CNTLN: variants seen among roughly 807,000 people sequenced by gnomAD.
CNTLN encodes centlein.
A neutral mutation model predicts 180.0 loss-of-function variants in CNTLN; 212 were observed. The observed-to-expected ratio is 1.18, with a 90% CI of 1.05 to 1.32. The LOEUF is 1.32. Among genes scored for constraint, CNTLN ranks in the 40% most tolerant of loss-of-function variants. The probability of loss-of-function intolerance (pLI) is 0.00; values close to 1 mark genes in which losing one functional copy is unlikely to be tolerated. For missense variants in CNTLN, 2,095 were observed against 1,610.9 expected (o/e 1.30, Z -5.14); for synonymous variants, 722 against 563.1 (o/e 1.28, Z -3.99).
downstream of CNTLN, among the ~76,000 whole-genome samples, chr9:17,507,461 T>TGC (rs1564161171): frequency 1.3e-5 from 2 of 152,124 alleles, no homozygotes. Context: ...CATACAAAAG[T>TGC]AGATATCATT....
intron 5 of CNTLN, among the ~76,000 whole-genome samples, chr9:17,259,890 C>G (rs1431883562): frequency 7.4e-6 from 1 of 134,472 alleles, no homozygotes; most frequent in Non-Finnish European, 1.5e-5. Flanking sequence ...TTCTTGCTAG[C>G]GGTCTATCTA....
At chr9:17,435,347 T>G (rs920101796) in intron 18 of CNTLN, among the ~76,000 whole-genome samples, 25 of 152,176 alleles carry the variant, frequency 1.6e-4, no homozygotes, top group African/African-American at 5.8e-4. Context: ...GACTTAGTTA[T>G]TTTTATGAAT....
At chr9:17,344,881 C>A (rs1821760219) in intron 12 of CNTLN, among the ~76,000 whole-genome samples, 1 of 152,110 alleles carries the variant, frequency 6.6e-6, no homozygotes, top group Non-Finnish European at 1.5e-5. Flanking sequence ...CCTCATCCTG[C>A]CCCTTTGTAG....
intron 23 of CNTLN, among the ~76,000 whole-genome samples, chr9:17,467,358 C>A (rs1831810168): frequency 6.6e-6 from 1 of 151,546 alleles, no homozygotes; most frequent in East Asian, 1.9e-4. Context: ...ACTCAAGTAT[C>A]TGCAGAGGTG....
intron 5 of CNTLN, among the ~76,000 whole-genome samples, chr9:17,261,993 A>C (rs1486822834): frequency 6.6e-6 from 1 of 151,606 alleles, no homozygotes; most frequent in Non-Finnish European, 1.5e-5. Context: ...ATCAGTAGTC[A>C]TTAGAGAAAT....
intron 2 of CNTLN, among the ~76,000 whole-genome samples, chr9:17,214,642 C>T (rs1276484954): frequency 6.6e-6 from 1 of 152,198 alleles, no homozygotes; most frequent in Non-Finnish European, 1.5e-5. Flanking sequence ...TAATATCCTG[C>T]AGAGTGTTTT....
At chr9:17,354,895 C>CAAG (rs1469000444) in intron 12 of CNTLN, among the ~76,000 whole-genome samples, 2 of 152,096 alleles carry the variant, frequency 1.3e-5, no homozygotes, top group Middle Eastern at 3.2e-3. Flanking sequence ...CCAAGATCTG[C>CAAG]AGTTTCACTC....
intron 16 of CNTLN, among the ~76,000 whole-genome samples, chr9:17,413,305 A>T (rs1194676040): frequency 6.6e-6 from 1 of 152,166 alleles, no homozygotes; most frequent in East Asian, 1.9e-4. Flanking sequence ...TAAATCATAA[A>T]ACTTTCAGAA....
At chr9:17,301,243 A>C in intron 7 of CNTLN, 7 of 985,414 alleles carry the variant, frequency 7.1e-6, no homozygotes, top group Non-Finnish European at 6.0e-6. Flanking sequence ...ATATGCCCCT[A>C]TTTGGCGAAC....
At chr9:17,334,247 A>T (rs185007359) in intron 10 of CNTLN, among the ~76,000 whole-genome samples, 2 of 152,072 alleles carry the variant, frequency 1.3e-5, no homozygotes, top group East Asian at 3.9e-4. Context: ...TTTAGCAGAG[A>T]TGGAGTTTTA....
intron 8 of CNTLN, among the ~76,000 whole-genome samples, chr9:17,317,875 T>C (rs1393061791): frequency 3.3e-5 from 5 of 152,102 alleles, no homozygotes; most frequent in African/African-American, 1.2e-4. Flanking sequence ...ACAGGTCTCC[T>C]TGGGCCTTGT....
intron 2 of CNTLN, among the ~76,000 whole-genome samples, chr9:17,163,748 C>G (rs1819847582): frequency 6.6e-6 from 1 of 152,164 alleles, no homozygotes; most frequent in Non-Finnish European, 1.5e-5. Context: ...ATTGATCTGG[C>G]TGGGCACAGT....
chr9:17,213,038 T>G (rs1218586413), intron 2 of CNTLN, among the ~76,000 whole-genome samples: 1 of 152,198 alleles, frequency 6.6e-6, no homozygotes, highest in Non-Finnish European at 1.5e-5. Context: ...TGAAGTGTTT[T>G]TTGTGTCTCT....
At chr9:17,467,251 G>C (rs1011838459) in intron 23 of CNTLN, among the ~76,000 whole-genome samples, 2 of 151,494 alleles carry the variant, frequency 1.3e-5, no homozygotes, top group African/African-American at 4.8e-5. Flanking sequence ...TCAGTGTTCA[G>C]TGATGCTAAG....
At chr9:17,373,916 C>G (rs1018395709) in intron 13 of CNTLN, among the ~76,000 whole-genome samples, 1 of 152,212 alleles carries the variant, frequency 6.6e-6, no homozygotes, top group South Asian at 2.1e-4. Flanking sequence ...TATTCATATG[C>G]GTAAGAATGA....
chr9:17,469,775 C>CCTTTCTCTGTCATAAA (rs1831956398), intron 23 of CNTLN, among the ~76,000 whole-genome samples: 1 of 151,652 alleles, frequency 6.6e-6, no homozygotes, highest in African/African-American at 2.4e-5. Context: ...TAACTCTGGG[C>CCTTTCTCTGTCATAAA]CTTTCTCTGT....
intron 14 of CNTLN, 53 bp from the exon 15 acceptor site, chr9:17,394,481 G>T: frequency 4.2e-6 from 5 of 1,203,538 alleles, no homozygotes; most frequent in South Asian, 3.2e-5. Context: ...TGGTAATAAA[G>T]TATAGTAGAT....
chr9:17,464,432 T>A (rs1001682535), intron 20 of CNTLN, 65 bp from the exon 21 acceptor site: 24 of 1,368,216 alleles, frequency 1.8e-5, no homozygotes, highest in Middle Eastern at 3.7e-4. Flanking sequence ...TTGGATAAAA[T>A]GTAAGATATC....
rs1447940073 is a variant in CNTLN at position 17,312,373 on chromosome 9, TATATATATATAA to T, written c.1341+3122_1341+3133del. 1.7e-3 allele frequency among the ~76,000 whole-genome samples: 225 copies of T among 131,230 alleles called. 1 individual carries two copies. The highest frequency in any genetic ancestry group is 6.5e-3 in the African/African-American group (216 of 33,408). The allele number at this position is 131,230 out of a possible 152,430, so 86.1% of individuals were successfully genotyped here. A position where few individuals can be genotyped will look rare whatever the true frequency, so the allele number is the denominator to read the frequency against. On this transcript the variant is annotated intron_variant, in intron 8 of 25. Coordinates refer to ENST00000380647, the MANE Select transcript of CNTLN (RefSeq NM_017738.4). ...TATATATATATATATATTATATATA[TATATATATATAA>T]TTTATTTATTTATTTTTTTGATACA...
Sources: gnomAD v4.1 joint callset for allele counts (sites outside exome capture counted in the v4.1 genomes callset) on GRCh38, gnomAD v4.1.1 for gene constraint, MANE v1.5 for transcripts, NCBI Gene and HGNC (gene_info 2026-07-23, HGNC 2026-07-21) for gene names.